ALK: variants seen among roughly 807,000 people sequenced by gnomAD.
ALK encodes ALK tyrosine kinase receptor.
In ALK, 74 loss-of-function variants were observed where a neutral mutation model predicts 163.1. That is an observed-to-expected ratio of 0.45 (90% CI 0.38 to 0.55). The LOEUF is 0.55. ALK is among the 20% of genes least tolerant of loss of function. The pLI is 0.00. For synonymous variants in ALK, 960 were observed against 843.2 expected (o/e 1.14, Z -2.40); for missense variants, 2,063 against 2,105.3 (o/e 0.98, Z 0.39).
At chr2:29,284,064 C>T (rs75752942) in intron 9 of ALK, among the ~76,000 whole-genome samples, 326 of 152,276 alleles carry the variant, frequency 2.1e-3, no homozygotes, top group African/African-American at 7.6e-3. Flanking sequence ...GCTGGAAAAA[C>T]ATTGCATCTG....
chr2:29,302,336 G>A (rs1250761295), intron 8 of ALK, among the ~76,000 whole-genome samples: 2 of 152,290 alleles, frequency 1.3e-5, no homozygotes, highest in East Asian at 3.9e-4. Context: ...TGGCCAATAT[G>A]GTGAAACCCT....
intron 3 of ALK, among the ~76,000 whole-genome samples, chr2:29,583,255 C>T (rs1674779339): frequency 6.6e-6 from 1 of 152,112 alleles, no homozygotes; most frequent in South Asian, 2.1e-4. Flanking sequence ...CATAATATTA[C>T]TGTAAAACTA....
rs772726399 is a variant in ALK at position 29,396,109 on chromosome 2, T to A, written c.1155-12250A>T. On this transcript the variant is annotated intron_variant, in intron 4 of 28. Coordinates refer to ENST00000389048, the MANE Select transcript of ALK (RefSeq NM_004304.5). The stretch of plus-strand genomic sequence containing the variant: ...CACCTCCACACTAGGAATGGGAAGG[T>A]AATTGTCAGAGGCTTTGATGGATGG... 2.4e-4 allele frequency among the ~76,000 whole-genome samples: 36 copies of A among 152,174 alleles called. 1 individual carries two copies. Among genetic ancestry groups the A allele is most frequent in the South Asian group, 2.1e-3 (10 of 4,816 alleles).
chr2:29,363,211 C>A (rs549287257), intron 5 of ALK, among the ~76,000 whole-genome samples: 13 of 152,330 alleles, frequency 8.5e-5, no homozygotes, highest in African/African-American at 2.9e-4. Context: ...TCTTCTCAGG[C>A]AGAGCCTGGG....
intron 1 of ALK, among the ~76,000 whole-genome samples, chr2:29,800,904 G>A (rs72854262): frequency 0.026 from 3,896 of 152,306 alleles, 157 homozygotes; most frequent in African/African-American, 0.088. Context: ...TCAGAGCCAC[G>A]CCGCTAAGCG....
At position 29,225,546 on chromosome 2, in the gene ALK, T is replaced by A. The variant is rs753474713; in HGVS notation, c.3087A>T (p.Pro1029=). Residue 1029 remains proline, a synonymous_variant, in exon 19 of 29, where the codon CCA becomes CCT. Coordinates refer to ENST00000389048, the MANE Select transcript of ALK (RefSeq NM_004304.5). ...AGAGGATCAGCGAGAGTGGCAGGTG[T>A]GGCTCCGGGGTGGGTGACACTGGAA... ...VSCIVSPTPE[P]HLPLSLILSV... 6.3e-7 allele frequency: 1 copy of A among 1,577,436 alleles called. No individual in the cohort carries two copies. Among genetic ancestry groups the A allele is most frequent in the Admixed American group, 1.8e-5 (1 of 56,790 alleles).
intron 1 of ALK, among the ~76,000 whole-genome samples, chr2:29,895,229 T>C (rs1211423900): frequency 3.3e-5 from 5 of 152,176 alleles, no homozygotes; most frequent in African/African-American, 1.2e-4. Flanking sequence ...GCTCTGAAAG[T>C]TGTTACTTGG....
intron 23 of ALK, among the ~76,000 whole-genome samples, chr2:29,216,930 G>GTGTGT (rs1553393091): frequency 0.41 from 52,883 of 130,232 alleles, 11,285 homozygotes; most frequent in Non-Finnish European, 0.52. Context: ...TATGGTGTGT[G>GTGTGT]GGGGGTGTGT....
At chr2:29,525,519 C>T (rs954951912) in intron 4 of ALK, among the ~76,000 whole-genome samples, 3 of 151,918 alleles carry the variant, frequency 2.0e-5, no homozygotes, top group Non-Finnish European at 2.9e-5. Context: ...GGGCCGGGTG[C>T]GGTGGCTCAT....
chr2:29,628,765 A>T (rs1676271024), intron 3 of ALK, among the ~76,000 whole-genome samples: 1 of 152,240 alleles, frequency 6.6e-6, no homozygotes, highest in Non-Finnish European at 1.5e-5. Context: ...AATTCAATGC[A>T]AATGACTTTT....
chr2:29,391,043 G>T (rs1669155915), intron 4 of ALK, among the ~76,000 whole-genome samples: 1 of 152,148 alleles, frequency 6.6e-6, no homozygotes, highest in African/African-American at 2.4e-5. Flanking sequence ...GGGGCTCCAG[G>T]CTCTGTAGGG....
intron 3 of ALK, among the ~76,000 whole-genome samples, chr2:29,560,423 G>A (rs1673987320): frequency 6.6e-6 from 1 of 152,172 alleles, no homozygotes; most frequent in African/African-American, 2.4e-5. Flanking sequence ...CCTGGGGCTT[G>A]GGATGGGAAT....
chr2:29,894,528 C>T (rs1205536916), intron 1 of ALK, among the ~76,000 whole-genome samples: 1 of 151,962 alleles, frequency 6.6e-6, no homozygotes, highest in Non-Finnish European at 1.5e-5. Flanking sequence ...CTACCAATAA[C>T]CTGGGGAGGG....
intron 9 of ALK, among the ~76,000 whole-genome samples, chr2:29,277,113 T>C (rs772540903): frequency 2.0e-5 from 3 of 151,906 alleles, no homozygotes; most frequent in Non-Finnish European, 2.9e-5. Flanking sequence ...ACTGGCAACA[T>C]GGAGAGAACA....
intron 4 of ALK, among the ~76,000 whole-genome samples, chr2:29,531,248 A>G (rs1673110697): frequency 6.6e-6 from 1 of 152,230 alleles, no homozygotes; most frequent in African/African-American, 2.4e-5. Context: ...TGGTATTTAT[A>G]CTTATGGAAT....
At chr2:29,854,501 A>G (rs1311741302) in intron 1 of ALK, among the ~76,000 whole-genome samples, 1 of 152,128 alleles carries the variant, frequency 6.6e-6, no homozygotes. Context: ...AGGCTTCCTG[A>G]GGCCTCACCA....
intron 3 of ALK, among the ~76,000 whole-genome samples, chr2:29,547,996 A>G (rs1041353652): frequency 1.1e-4 from 16 of 152,244 alleles, no homozygotes; most frequent in African/African-American, 2.2e-4. Flanking sequence ...TGAAACTCAC[A>G]TTTAACTGGA....
intron 3 of ALK, among the ~76,000 whole-genome samples, chr2:29,638,242 T>A (rs1676601095): frequency 6.6e-6 from 1 of 152,212 alleles, no homozygotes; most frequent in Non-Finnish European, 1.5e-5. Flanking sequence ...AAGGTAATGG[T>A]GTCTACCACA....
At chr2:29,668,750 C>T (rs1275525798) in intron 3 of ALK, among the ~76,000 whole-genome samples, 1 of 152,064 alleles carries the variant, frequency 6.6e-6, no homozygotes, top group Admixed American at 6.6e-5. Flanking sequence ...CTAATAAAGA[C>T]ATACCCAAAA....
Sources: allele counts gnomAD v4.1 joint callset (sites outside exome capture counted in the v4.1 genomes callset), GRCh38; gene constraint gnomAD v4.1.1; transcripts MANE v1.5; gene names NCBI Gene and HGNC (gene_info 2026-07-23, HGNC 2026-07-21).